The following SNRPN variants were observed in gnomAD, a reference collection of about 807,000 sequenced individuals.
SNRPN encodes small nuclear ribonucleoprotein-associated protein N.
SNRPN carries 7 observed loss-of-function variants against 25.2 expected under a neutral mutation model. The observed-to-expected ratio is 0.28, with a 90% CI of 0.16 to 0.52. SNRPN has a LOEUF of 0.52. Ranked by LOEUF, SNRPN falls within the 20% of genes least tolerant of loss-of-function variation. The pLI is 0.96. For missense variants in SNRPN, 196 were observed against 322.5 expected, an observed-to-expected ratio of 0.61 and a Z score of 3.00; for synonymous variants, 124 against 110.6, an observed-to-expected ratio of 1.12 and a Z score of -0.76.
intron 3 of SNRPN, among the ~76,000 whole-genome samples, chr15:24,922,958 T>C (rs1228156258): frequency 2.3e-5 from 3 of 132,556 alleles, no homozygotes; most frequent in Admixed American, 9.4e-5. Flanking sequence ...CTGGATGGAG[T>C]GCAGTGGCGC....
chr15:24,916,495 A>T (rs1047042947), intron 2 of SNRPN, among the ~76,000 whole-genome samples: 2 of 152,042 alleles, frequency 1.3e-5, no homozygotes, highest in African/African-American at 4.8e-5. Context: ...TCAAGTTTTC[A>T]GTGAGCAGTG....
chr15:24,850,997 T>TG (rs1257505347), intron 2 of SNRPN: 1 of 151,968 alleles, frequency 6.6e-6, no homozygotes, highest in African/African-American at 2.4e-5. Flanking sequence ...CACTGTTCAC[T>TG]GCAGCCTCTA....
chr15:24,970,721 G>C (rs2076293256), intron 3 of SNRPN, among the ~76,000 whole-genome samples: 1 of 152,108 alleles, frequency 6.6e-6, no homozygotes, highest in Non-Finnish European at 1.5e-5. Flanking sequence ...TTGTTACATT[G>C]TTTTCTAAAC....
At chr15:24,918,173 A>G (rs568328775) in intron 2 of SNRPN, among the ~76,000 whole-genome samples, 2 of 151,794 alleles carry the variant, frequency 1.3e-5, no homozygotes, top group South Asian at 4.2e-4. Flanking sequence ...TTTTGATTCT[A>G]TCATTCTGTC....
At chr15:24,939,118 A>G (rs7170087) in intron 3 of SNRPN, among the ~76,000 whole-genome samples, 4,295 of 152,274 alleles carry the variant, frequency 0.028, 226 homozygotes, top group African/African-American at 0.098. Context: ...AACACATGGT[A>G]ATTCTTCTGT....
At chr15:24,962,360 T>C (rs1343304297) in intron 2 of SNRPN, 151 bp downstream of exon 2, 6 of 718,984 alleles carry the variant, frequency 8.3e-6, no homozygotes, top group Non-Finnish European at 1.2e-5. Context: ...AATGAAATTC[T>C]TAACCATATT....
At chr15:24,893,652 G>GT (rs1408952916) in intron 2 of SNRPN, among the ~76,000 whole-genome samples, 2 of 151,682 alleles carry the variant, frequency 1.3e-5, no homozygotes, top group East Asian at 3.9e-4. Flanking sequence ...ATCTTATCAG[G>GT]TTTTGGTCAA....
At chr15:24,888,952 C>G (rs1008016743) in intron 2 of SNRPN, among the ~76,000 whole-genome samples, 1 of 152,082 alleles carries the variant, frequency 6.6e-6, no homozygotes, top group East Asian at 1.9e-4. Context: ...GAGTCTCGCT[C>G]TGTCACCCAG....
At chr15:24,978,109 A>G (rs1162119730) in intron 8 of SNRPN, 84 bp from the exon 9 acceptor site, 5 of 1,428,846 alleles carry the variant, frequency 3.5e-6, no homozygotes, top group Non-Finnish European at 4.8e-6. Context: ...TGTCTGGCCC[A>G]TTTCTTTAGG....
intron 2 of SNRPN, among the ~76,000 whole-genome samples, chr15:24,847,877 T>C (rs1206772997): frequency 1.3e-5 from 2 of 152,190 alleles, no homozygotes; most frequent in Non-Finnish European, 2.9e-5. Flanking sequence ...CAGCTGACTT[T>C]GCAGTGTTGC....
intron 3 of SNRPN, among the ~76,000 whole-genome samples, chr15:24,923,062 C>A (rs2060131594): frequency 6.6e-6 from 1 of 151,994 alleles, no homozygotes; most frequent in Admixed American, 6.6e-5. Context: ...CCTGCCACCA[C>A]ACCCAGCTAA....
chr15:24,880,844 A>G (rs1338708700), intron 1 of SNRPN, among the ~76,000 whole-genome samples: 8 of 151,990 alleles, frequency 5.3e-5, no homozygotes, highest in Non-Finnish European at 7.4e-5. Flanking sequence ...TCAGCGTTCA[A>G]GCAATTCTTG....
chr15:24,962,386 A>G (rs181548004), intron 2 of SNRPN, among the ~76,000 whole-genome samples, 177 bp downstream of exon 2: 1 of 152,268 alleles, frequency 6.6e-6, no homozygotes, highest in East Asian at 1.9e-4. Flanking sequence ...AAAATAATTC[A>G]CCCTCTTAAA....
At chr15:24,934,484 C>A (rs1054875734) in intron 3 of SNRPN, among the ~76,000 whole-genome samples, 1 of 152,070 alleles carries the variant, frequency 6.6e-6, no homozygotes, top group Non-Finnish European at 1.5e-5. Flanking sequence ...TGTGAGTGAT[C>A]GTCCTCAAAG....
chr15:24,832,412 G>T (rs1002248123), intron 2 of SNRPN, among the ~76,000 whole-genome samples: 4 of 152,058 alleles, frequency 2.6e-5, no homozygotes, highest in African/African-American at 9.7e-5. Flanking sequence ...GTCGAGTGGG[G>T]ACTTGGGGAA....
At chr15:24,874,124 C>T (rs561457087) in intron 1 of SNRPN, among the ~76,000 whole-genome samples, 208 of 151,330 alleles carry the variant, frequency 1.4e-3, no homozygotes, top group Non-Finnish European at 2.7e-3. Flanking sequence ...TCCTGGCTAA[C>T]ACAGTGAAAC....
chr15:24,896,790 A>G (rs916291439), intron 2 of SNRPN, among the ~76,000 whole-genome samples: 16 of 152,172 alleles, frequency 1.1e-4, no homozygotes, highest in Non-Finnish European at 2.9e-5. Flanking sequence ...GTTGCCTTTG[A>G]AGAAGCAAGC....
chr15:24,866,120 C>T (rs903006066), intron 1 of SNRPN, among the ~76,000 whole-genome samples: 1 of 152,046 alleles, frequency 6.6e-6, no homozygotes, highest in African/African-American at 2.4e-5. Context: ...TTCTATTTCC[C>T]TGATAATTTT....
intron 2 of SNRPN, among the ~76,000 whole-genome samples, chr15:24,835,057 T>G (rs28757675): frequency 0.2 from 5,151 of 25,852 alleles, 1,406 homozygotes; most frequent in East Asian, 0.65. Context: ...TATATAAAAA[T>G]ATAGATATAT....
Sources: gnomAD v4.1 joint callset for allele counts (sites outside exome capture counted in the v4.1 genomes callset) on GRCh38, gnomAD v4.1.1 for gene constraint, MANE v1.5 for transcripts, NCBI Gene and HGNC (gene_info 2026-07-23, HGNC 2026-07-21) for gene names.